The following TXNDC16 variants were observed in gnomAD, a reference collection of about 807,000 sequenced individuals.
The protein encoded by TXNDC16 is thioredoxin domain-containing protein 16.
Under a neutral mutation model 85.6 loss-of-function variants are expected in TXNDC16, and 74 were observed. That is an observed-to-expected ratio of 0.86 (90% CI 0.72 to 1.05). The LOEUF (loss-of-function observed/expected upper bound fraction) is 1.05. Among genes scored for constraint, TXNDC16 ranks in the 50% least tolerant of loss-of-function variants. The probability of loss-of-function intolerance (pLI) is 0.00; values close to 1 mark genes in which losing one functional copy is unlikely to be tolerated. For synonymous variants in TXNDC16, 335 were observed against 326.5 expected (o/e 1.03, Z -0.28); for missense variants, 959 against 947.0 (o/e 1.01, Z -0.17).
chr14:52,510,058 T>C (rs2036920649), intron 9 of TXNDC16, among the ~76,000 whole-genome samples: 1 of 151,228 alleles, frequency 6.6e-6, no homozygotes, highest in South Asian at 2.1e-4. Flanking sequence ...TCTATTTAAG[T>C]GCAGAAGCAA....
At chr14:52,476,197 C>T (rs765678798) in intron 14 of TXNDC16, among the ~76,000 whole-genome samples, 7 of 152,164 alleles carry the variant, frequency 4.6e-5, no homozygotes, top group Non-Finnish European at 1.0e-4. Context: ...AGCCCTAGAC[C>T]TTCCCTCTGA....
chr14:52,474,490 C>G (rs2035976865), intron 14 of TXNDC16, among the ~76,000 whole-genome samples: 1 of 152,172 alleles, frequency 6.6e-6, no homozygotes, highest in African/African-American at 2.4e-5. Context: ...TGCCTATATT[C>G]CCAGCACTGT....
chr14:52,536,620 G>T, intron 6 of TXNDC16, 99 bp downstream of exon 6: 1 of 1,107,616 alleles, frequency 9.0e-7, no homozygotes, highest in Non-Finnish European at 1.3e-6. Context: ...CAAATATAAT[G>T]TTAAAACCCT....
At chr14:52,434,360 T>C (rs1383773618) in intron 20 of TXNDC16, among the ~76,000 whole-genome samples, 5 of 152,244 alleles carry the variant, frequency 3.3e-5, no homozygotes, top group African/African-American at 9.6e-5. Context: ...AAGATCTTAA[T>C]GTTTTCAACT....
chr14:52,513,566 T>C (rs1334184449), intron 8 of TXNDC16, among the ~76,000 whole-genome samples: 2 of 151,986 alleles, frequency 1.3e-5, no homozygotes, highest in Non-Finnish European at 2.9e-5. Context: ...CATTTTTAAA[T>C]TCCCATTTAA....
intron 14 of TXNDC16, among the ~76,000 whole-genome samples, chr14:52,471,423 G>A (rs1014011282): frequency 2.0e-5 from 3 of 152,044 alleles, no homozygotes; most frequent in African/African-American, 7.2e-5. Context: ...AAATATTTTG[G>A]TACCAGCTTA....
chr14:52,536,167 C>T (rs1416191066), intron 6 of TXNDC16, among the ~76,000 whole-genome samples: 2 of 152,138 alleles, frequency 1.3e-5, no homozygotes, highest in Non-Finnish European at 2.9e-5. Flanking sequence ...AGGGCAGAGC[C>T]CTCAAGAATA....
intron 6 of TXNDC16, among the ~76,000 whole-genome samples, chr14:52,522,054 G>A (rs1433311158): frequency 2.6e-5 from 4 of 152,180 alleles, no homozygotes; most frequent in African/African-American, 9.7e-5. Flanking sequence ...TATACATTTT[G>A]GCTAACAAGT....
intron 6 of TXNDC16, among the ~76,000 whole-genome samples, chr14:52,534,920 A>G (rs572588868): frequency 1.3e-5 from 2 of 152,284 alleles, no homozygotes; most frequent in Admixed American, 1.3e-4. Context: ...AGAACAGGAC[A>G]CTACTAAAGC....
intron 17 of TXNDC16, among the ~76,000 whole-genome samples, chr14:52,456,045 T>C (rs1216822484): frequency 6.6e-6 from 1 of 152,132 alleles, no homozygotes; most frequent in Non-Finnish European, 1.5e-5. Context: ...AAATCCACCC[T>C]CCCACAATCC....
At chr14:52,454,119 C>T (rs923776155) in intron 18 of TXNDC16, among the ~76,000 whole-genome samples, 11 of 152,138 alleles carry the variant, frequency 7.2e-5, no homozygotes, top group Non-Finnish European at 1.5e-4. Flanking sequence ...CTATGCATTG[C>T]ATGTTTGTAT....
chr14:52,494,081 T>C (rs1412235291), intron 9 of TXNDC16, among the ~76,000 whole-genome samples: 3 of 152,004 alleles, frequency 2.0e-5, no homozygotes. Flanking sequence ...CCTTGGGAGC[T>C]ATCTTAGAAG....
chr14:52,432,626 C>A, intron 20 of TXNDC16, 39 bp from the exon 21 acceptor site: 1 of 1,523,218 alleles, frequency 6.6e-7, no homozygotes, highest in Non-Finnish European at 8.8e-7. Context: ...AGATTAACAG[C>A]TATAAATCGT....
chr14:52,442,214 CCTT>C (rs143866729), intron 18 of TXNDC16, among the ~76,000 whole-genome samples: 2,013 of 152,222 alleles, frequency 0.013, 41 homozygotes, highest in African/African-American at 0.045. Context: ...AATAATAAAA[CCTT>C]CTACCATTTT....
intron 11 of TXNDC16, among the ~76,000 whole-genome samples, chr14:52,489,743 C>T (rs949082906): frequency 3.9e-5 from 6 of 152,198 alleles, no homozygotes; most frequent in African/African-American, 1.2e-4. Flanking sequence ...TCAGCACAAC[C>T]AGTGGCCATC....
At chr14:52,499,912 G>T (rs2036618417) in intron 9 of TXNDC16, among the ~76,000 whole-genome samples, 1 of 151,994 alleles carries the variant, frequency 6.6e-6, no homozygotes, top group Non-Finnish European at 1.5e-5. Flanking sequence ...TAAATACTAT[G>T]TAAATAGTTG....
chr14:52,536,645 A>G, intron 6 of TXNDC16, 74 bp downstream of exon 6: 16 of 1,226,186 alleles, frequency 1.3e-5, no homozygotes, highest in Non-Finnish European at 1.8e-5. Flanking sequence ...TATTTTAATG[A>G]ATTGTGGTTA....
chr14:52,539,926 A>G (rs2037791102), intron 4 of TXNDC16, among the ~76,000 whole-genome samples: 1 of 152,222 alleles, frequency 6.6e-6, no homozygotes, highest in Non-Finnish European at 1.5e-5. Context: ...AAGGAGAATT[A>G]AACATTACAG....
intron 14 of TXNDC16, among the ~76,000 whole-genome samples, chr14:52,477,449 C>T (rs942532034): frequency 6.6e-6 from 1 of 152,080 alleles, no homozygotes; most frequent in African/African-American, 2.4e-5. Flanking sequence ...CATAAAGACT[C>T]ACATAAACTT....
Sources: allele counts gnomAD v4.1 joint callset (sites outside exome capture counted in the v4.1 genomes callset), GRCh38; gene constraint gnomAD v4.1.1; transcripts MANE v1.5; gene names NCBI Gene and HGNC (gene_info 2026-07-23, HGNC 2026-07-21).